The following PAG1 variants were observed in gnomAD, a reference collection of about 807,000 sequenced individuals.
The protein encoded by PAG1 is phosphoprotein membrane anchor with glycosphingolipid microdomains 1.
PAG1 carries 23 observed loss-of-function variants against 31.7 expected under a neutral mutation model. The observed-to-expected ratio is 0.73, with a 90% CI of 0.52 to 1.03. The LOEUF (loss-of-function observed/expected upper bound fraction) is 1.03. Among genes scored for constraint, PAG1 ranks in the 50% least tolerant of loss-of-function variants. The probability of loss-of-function intolerance (pLI) is 0.00; values close to 1 mark genes in which losing one functional copy is unlikely to be tolerated. For missense variants in PAG1, 473 were observed against 540.7 expected (o/e 0.87, Z 1.24); for synonymous variants, 214 against 210.3 (o/e 1.02, Z -0.15).
intron 2 of PAG1, among the ~76,000 whole-genome samples, chr8:81,048,524 C>A (rs1380057183): frequency 6.6e-6 from 1 of 152,142 alleles, no homozygotes; most frequent in Non-Finnish European, 1.5e-5. Flanking sequence ...CCCAGAGAGG[C>A]CTGCCCCAGC....
Position 80,968,428 on chromosome 8 carries a change from T to G in PAG1, c.*8116A>C, listed in dbSNP as rs1807008802. The G allele has an allele frequency of 6.6e-6, 1 of 152,250 alleles. No homozygotes were observed. Among genetic ancestry groups the G allele is most frequent in the East Asian group, 1.9e-4 (1 of 5,204 alleles). The allele number at this position is 152,250 out of a possible 1,614,324, so 9.4% of individuals were successfully genotyped here. A position where few individuals can be genotyped will look rare whatever the true frequency, so the allele number is the denominator to read the frequency against. ...CCTGTGCTCTTGTCTCCAAAACCCATGTTTCCCTTTACACTAAATTGTCCC... is the reference window on the plus strand; with the variant it reads ...CCTGTGCTCTTGTCTCCAAAACCCAGGTTTCCCTTTACACTAAATTGTCCC... On this transcript the variant is annotated 3_prime_UTR_variant, in exon 9 of 9. Transcript: ENST00000220597.
At chr8:81,027,128 A>T (rs1808295091) in intron 3 of PAG1, among the ~76,000 whole-genome samples, 1 of 151,900 alleles carries the variant, frequency 6.6e-6, no homozygotes, top group Non-Finnish European at 1.5e-5. Flanking sequence ...CTCCCACTTC[A>T]GCCTCCCAGG....
intron 2 of PAG1, among the ~76,000 whole-genome samples, chr8:81,048,155 C>T (rs1349180951): frequency 3.9e-5 from 6 of 152,152 alleles, no homozygotes; most frequent in Admixed American, 3.3e-4. Context: ...TGTTCTTCCC[C>T]CTTCTCCCCT....
chr8:81,041,409 G>A (rs562609819), intron 2 of PAG1, among the ~76,000 whole-genome samples: 1 of 152,308 alleles, frequency 6.6e-6, no homozygotes, highest in African/African-American at 2.4e-5. Flanking sequence ...AAGAGATGCT[G>A]GAAGGAGAGA....
intron 1 of PAG1, among the ~76,000 whole-genome samples, chr8:81,103,329 TAGTAGCTATTCACAAAGATAC>T (rs1809640063): frequency 6.6e-6 from 1 of 152,158 alleles, no homozygotes; most frequent in Non-Finnish European, 1.5e-5. Flanking sequence ...AATTCTTCTT[TAGTAGCTATTCACAAAGATAC>T]AGCAACATGA....
intron 3 of PAG1, among the ~76,000 whole-genome samples, chr8:80,998,972 C>T (rs1473499266): frequency 6.6e-6 from 1 of 152,166 alleles, no homozygotes; most frequent in African/African-American, 2.4e-5. Flanking sequence ...TAAAATGACA[C>T]TTTGTGGGCT....
rs1213438913 is a variant in PAG1 at position 81,030,010 on chromosome 8, TTG to T, written c.-97_-96del. ...GTAATATTTACCTTGGAGGAAATGT[TTG>T]TCCAGTAGAGTATTCCAAGTTCTGG... On this transcript the variant is annotated 5_prime_UTR_variant, in exon 3 of 9. Transcript: ENST00000220597. The T allele has an allele frequency of 6.6e-6, 1 of 152,252 alleles. No individual in the cohort carries two copies. Among genetic ancestry groups the T allele is most frequent in the African/African-American group, 2.4e-5 (1 of 41,462 alleles). The allele number at this position is 152,252 out of a possible 1,614,324, so 9.4% of individuals were successfully genotyped here. A position where few individuals can be genotyped will look rare whatever the true frequency, so the allele number is the denominator to read the frequency against.
chr8:81,044,757 C>T (rs1808612047), intron 2 of PAG1, among the ~76,000 whole-genome samples: 1 of 152,144 alleles, frequency 6.6e-6, no homozygotes, highest in Non-Finnish European at 1.5e-5. Context: ...CTTATCTGCT[C>T]ACATCCAAAG....
rs1807053465 is a variant in PAG1 at position 80,970,436 on chromosome 8, A to G, written c.*6108T>C. On this transcript the variant is annotated 3_prime_UTR_variant, in exon 9 of 9. Coordinates refer to ENST00000220597, the MANE Select transcript of PAG1 (RefSeq NM_018440.4). ...CTAAAAATGATTACTTCTTATAAAA[A>G]GGATTTCTTCCCCTTCACAACACTC... The G allele has an allele frequency of 6.5e-6, 1 of 152,722 alleles. No homozygotes were observed. Among genetic ancestry groups the G allele is most frequent in the Non-Finnish European group, 1.5e-5 (1 of 68,116 alleles). The allele number at this position is 152,722 out of a possible 1,614,324, so 9.5% of individuals were successfully genotyped here.
intron 1 of PAG1, among the ~76,000 whole-genome samples, chr8:81,090,771 A>G (rs1042527339): frequency 2.6e-5 from 4 of 152,216 alleles, no homozygotes; most frequent in Non-Finnish European, 5.9e-5. Flanking sequence ...TATAACTAGA[A>G]CACAGATCAC....
At chr8:81,077,502 ATTCTT>A (rs1809198601) in intron 1 of PAG1, among the ~76,000 whole-genome samples, 1 of 152,248 alleles carries the variant, frequency 6.6e-6, no homozygotes, top group Non-Finnish European at 1.5e-5. Flanking sequence ...CTCAGTCTTT[ATTCTT>A]TTCCTCACTC....
At chr8:81,090,733 C>G (rs943630135) in intron 1 of PAG1, among the ~76,000 whole-genome samples, 1 of 152,132 alleles carries the variant, frequency 6.6e-6, no homozygotes, top group African/African-American at 2.4e-5. Flanking sequence ...ATGAAAGCCT[C>G]GGGCCACACG....
intron 2 of PAG1, among the ~76,000 whole-genome samples, chr8:81,031,883 A>T (rs542316236): frequency 6.6e-6 from 1 of 152,386 alleles, no homozygotes; most frequent in Non-Finnish European, 1.5e-5. Flanking sequence ...TTTAGCATCC[A>T]GGAATAAACC....
At position 81,056,987 on chromosome 8, in the gene PAG1, C is replaced by T. The variant is rs1165876306; in HGVS notation, c.-175+13125G>A. Among the ~76,000 whole-genome samples the T allele has an allele frequency of 2.0e-5, 3 of 152,200 alleles. No individual in the cohort carries two copies. The East Asian group carries it at 5.8e-4, about 29-fold the overall frequency. On this transcript the variant is annotated intron_variant, in intron 2 of 8. Coordinates refer to ENST00000220597, the MANE Select transcript of PAG1 (RefSeq NM_018440.4). ...TGAAAAAGTGCTCATCATCACTGGC[C>T]ATCGGAGAAATGCAAATCAAAACCA...
Position 80,976,284 on chromosome 8 carries a change from G to A in PAG1, c.*260C>T. 2.5e-6 allele frequency: 1 copy of A among 405,254 alleles called. No individual in the cohort carries two copies. Among genetic ancestry groups the A allele is most frequent in the East Asian group, 4.7e-5 (1 of 21,446 alleles). 25.1% of individuals were successfully genotyped at this position (405,254 alleles called of 1,614,324 possible). ...CCACTGACAGCTGGGATCTTTTGTGGGTGGTGAGGGTGCAGCAGGGAGATG... is the reference window on the plus strand; with the variant it reads ...CCACTGACAGCTGGGATCTTTTGTGAGTGGTGAGGGTGCAGCAGGGAGATG... On this transcript the variant is annotated 3_prime_UTR_variant, in exon 9 of 9. Coordinates refer to ENST00000220597, the MANE Select transcript of PAG1 (RefSeq NM_018440.4).
At chr8:81,107,048 C>CA (rs1809704426) in intron 1 of PAG1, among the ~76,000 whole-genome samples, 1 of 150,442 alleles carries the variant, frequency 6.6e-6, no homozygotes. Flanking sequence ...CACACTTCTC[C>CA]TTTTTTTTTA....
intron 3 of PAG1, among the ~76,000 whole-genome samples, chr8:81,026,658 A>C (rs1808284062): frequency 6.6e-6 from 1 of 151,958 alleles, no homozygotes; most frequent in African/African-American, 2.4e-5. Flanking sequence ...GTTACCGGAA[A>C]TTCCGCAGGA....
In PAG1 at chr8:81,053,133, A is replaced by G. The variant is rs375798450; in HGVS notation, c.-175+16979T>C. Among the ~76,000 whole-genome samples, 18 of 152,348 alleles carry G rather than the reference A, an allele frequency of 1.2e-4. No homozygotes were observed. In the East Asian group the frequency reaches 3.5e-3, roughly 29 times the overall value. On this transcript the variant is annotated intron_variant, in intron 2 of 8. Coordinates refer to ENST00000220597, the MANE Select transcript of PAG1 (RefSeq NM_018440.4). ...ATTCAAGTGATATTGATAAGAATGA[A>G]CATGAATGTATTATCTGAATATATT...
chr8:81,038,367 C>T (rs916338122), intron 2 of PAG1, among the ~76,000 whole-genome samples: 11 of 152,150 alleles, frequency 7.2e-5, no homozygotes, highest in African/African-American at 2.4e-4. Flanking sequence ...CCCTGGCCTC[C>T]GTTCTTGGGG....
Sources: allele counts gnomAD v4.1 joint callset (sites outside exome capture counted in the v4.1 genomes callset), GRCh38; gene constraint gnomAD v4.1.1; transcripts MANE v1.5; gene names NCBI Gene and HGNC (gene_info 2026-07-23, HGNC 2026-07-21).